RSPH3: variants seen among roughly 807,000 people sequenced by gnomAD.
RSPH3 encodes the protein radial spoke head 3, also known as radial spoke head protein 3 homolog.
RSPH3 carries 21 observed loss-of-function variants against 43.8 expected under a neutral mutation model. That is an observed-to-expected ratio of 0.48 (90% confidence interval 0.34 to 0.69). The LOEUF (loss-of-function observed/expected upper bound fraction) is 0.69, where lower values mean the gene tolerates loss of function less well. RSPH3 is among the 30% of genes least tolerant of loss of function. RSPH3 has a pLI of 0.01. For synonymous variants in RSPH3, 173 were observed against 179.8 expected, an observed-to-expected ratio of 0.96 and a Z score of 0.30; for missense variants, 487 against 516.0, an observed-to-expected ratio of 0.94 and a Z score of 0.54.
At chr6:158,970,416 T>C (rs762522573), downstream of RSPH3, among the ~76,000 whole-genome samples, 30 of 152,212 alleles carry the variant, frequency 2.0e-4, no homozygotes, top group Admixed American at 9.2e-4. Context: ...TAGCTTTCAA[T>C]TCCTGGTTGT....
chr6:158,997,369 T>G (rs1778628400), intron 1 of RSPH3, among the ~76,000 whole-genome samples: 1 of 151,458 alleles, frequency 6.6e-6, no homozygotes, highest in Admixed American at 6.6e-5. Context: ...CCTTCTGGGT[T>G]TAAGTGATCC....
intron 1 of RSPH3, among the ~76,000 whole-genome samples, chr6:158,994,425 GTTA>G (rs1778521903): frequency 1.3e-5 from 2 of 152,146 alleles, no homozygotes; most frequent in African/African-American, 4.8e-5. Context: ...ATTTTTTAAA[GTTA>G]TTGTTGAAAA....
downstream of RSPH3, among the ~76,000 whole-genome samples, chr6:158,972,360 T>C (rs1022104951): frequency 1.3e-5 from 2 of 152,290 alleles, no homozygotes; most frequent in Admixed American, 1.3e-4. Flanking sequence ...GTGAAGTATG[T>C]GACAACTAAA....
chr6:158,981,549 T>C (rs1220757536), intron 5 of RSPH3, among the ~76,000 whole-genome samples: 1 of 149,706 alleles, frequency 6.7e-6, no homozygotes, highest in Admixed American at 7.0e-5. Context: ...TGTTTCCAAA[T>C]AGTAAATAAA....
intron 2 of RSPH3, among the ~76,000 whole-genome samples, chr6:158,986,936 C>A (rs112186703): frequency 6.6e-6 from 1 of 152,194 alleles, no homozygotes; most frequent in Non-Finnish European, 1.5e-5. Context: ...GTGTACTCTG[C>A]AGAAGATGGA....
At chr6:158,979,087 G>C (rs1390987916) in intron 6 of RSPH3, among the ~76,000 whole-genome samples, 2 of 152,190 alleles carry the variant, frequency 1.3e-5, no homozygotes, top group Non-Finnish European at 2.9e-5. Context: ...TGAGGAGGCA[G>C]TCATCTAGAA....
chr6:158,995,501 C>T (rs530638756), intron 1 of RSPH3, among the ~76,000 whole-genome samples: 11 of 152,288 alleles, frequency 7.2e-5, no homozygotes. Context: ...TTGTGGTCGC[C>T]TTCCAGTCAG....
Position 158,989,596 on chromosome 6 carries a change from A to C in RSPH3, c.205-3175T>G, listed in dbSNP as rs1583718076. On this transcript the variant is annotated intron_variant, in intron 2 of 7. Coordinates refer to ENST00000367069, the MANE Select transcript of RSPH3 (RefSeq NM_031924.8). This position sits in a 1 kb window ranked among gnomAD's most constrained non-coding sequence, Gnocchi z 4.3. ...GGTGTTTCCTTTGGTTGAGTTATAC[A>C]GCAGAGTGTCCAGGGCTGGAGATGG... Among the ~76,000 whole-genome samples, 3 of 152,282 alleles carry C rather than the reference A, an allele frequency of 2.0e-5. No individual in the cohort carries two copies. In the South Asian group the frequency reaches 6.2e-4, roughly 32 times the overall value.
chr6:158,993,779 C>T lies in RSPH3; in HGVS notation c.204+60G>A, dbSNP rs77876414. On this transcript the variant is annotated intron_variant, in intron 2 of 7. Transcript: ENST00000367069. The stretch of plus-strand genomic sequence containing the variant: ...CGGATTAGAAATTAACACCAAGAAA[C>T]TGATCCTTCCCCATAGATAATGTGA... 0.11 allele frequency: 97,959 copies of T among 889,040 alleles called. 10,777 individuals carry two copies. The highest frequency in any genetic ancestry group is 0.46 in the East Asian group (17,191 of 37,698). 55.1% of individuals were successfully genotyped at this position (889,040 alleles called of 1,614,324 possible).
chr6:158,978,840 A>G (rs766305836), intron 6 of RSPH3, among the ~76,000 whole-genome samples: 3 of 152,176 alleles, frequency 2.0e-5, no homozygotes, highest in Non-Finnish European at 4.4e-5. Context: ...CACCTTGCCC[A>G]ATATTTTAAG....
chr6:158,989,605 T>C lies in RSPH3; in HGVS notation c.205-3184A>G, dbSNP rs1414046423. Among the ~76,000 whole-genome samples the C allele has an allele frequency of 6.6e-6, 1 of 152,128 alleles. No homozygotes were observed. Among genetic ancestry groups the C allele is most frequent in the African/African-American group, 2.4e-5 (1 of 41,414 alleles). Reference sequence around the variant, plus strand: ...TTTGGTTGAGTTATACAGCAGAGTGTCCAGGGCTGGAGATGGTAGTCTCAC... The same window carrying C: ...TTTGGTTGAGTTATACAGCAGAGTGCCCAGGGCTGGAGATGGTAGTCTCAC... On this transcript the variant is annotated intron_variant, in intron 2 of 7. Coordinates refer to ENST00000367069, the MANE Select transcript of RSPH3 (RefSeq NM_031924.8). This position sits in a 1 kb window ranked among gnomAD's most constrained non-coding sequence, Gnocchi z 4.3.
At chr6:158,997,270 A>AC (rs1251758071) in intron 1 of RSPH3, among the ~76,000 whole-genome samples, 1 of 83,230 alleles carries the variant, frequency 1.2e-5, no homozygotes, top group Non-Finnish European at 2.1e-5. Context: ...TCTCCTGAAC[A>AC]CTTTTTTTTT....
rs768994 is a variant in RSPH3, at chr6:158,978,316, A to G, written c.890T>C (p.Met297Thr). 0.11 allele frequency: 163,248 copies of G among 1,554,576 alleles called. 16,202 individuals are homozygous for G. The highest frequency in any genetic ancestry group is 0.46 in the East Asian group (20,187 of 44,288). Residue 297 changes from methionine (M) to threonine (T), a missense_variant, in exon 7 of 8, where the codon ATG (methionine) becomes ACG (threonine). Met to Thr is a moderately conservative substitution (Grantham distance 81). Transcript: ENST00000367069. Reference protein sequence around the residue: ...DIEIGFLPWLMNEVEKTMEYS... With the variant: ...DIEIGFLPWLTNEVEKTMEYS... ...TTCCATGGTTTTTTCAACTTCATTC[A>G]TTAGCCATGGAAGAAATCCTATCTC...
intron 5 of RSPH3, 122 bp downstream of exon 5, chr6:158,982,363 A>G: frequency 1.6e-6 from 1 of 630,318 alleles, no homozygotes; most frequent in Non-Finnish European, 2.6e-6. Flanking sequence ...AATACTATAG[A>G]TCTTTTTCTA....
Position 158,999,780 on chromosome 6 carries a change from T to C in RSPH3, c.-230A>G. On this transcript the variant is annotated 5_prime_UTR_variant, in exon 1 of 8. The change abolishes an upstream ATG in the 5' untranslated region. Transcript: ENST00000367069. ...ACAGAGACCAGCTGCGGGGGCCGCA[T>C]CGGTTGCCCAGCAACCCAGGGTTCT... 1 of 1,611,456 alleles carries C rather than the reference T, an allele frequency of 6.2e-7. No homozygotes were observed. The highest frequency in any genetic ancestry group is 1.1e-5 in the South Asian group (1 of 90,874).
At chr6:158,983,352 C>T (rs1009604241) in intron 4 of RSPH3, among the ~76,000 whole-genome samples, 2 of 151,966 alleles carry the variant, frequency 1.3e-5, no homozygotes, top group African/African-American at 4.8e-5. Context: ...TTATTTTTCC[C>T]TATTTAGTAC....
chr6:158,980,428 C>CAAAAAAAAA (rs201038721), intron 6 of RSPH3, among the ~76,000 whole-genome samples: 1 of 111,758 alleles, frequency 8.9e-6, no homozygotes, highest in Admixed American at 8.3e-5. Context: ...GACTCTGTCT[C>CAAAAAAAAA]AAAAAAAAAA....
chr6:158,994,167 T>TA (rs1778511939), intron 1 of RSPH3, among the ~76,000 whole-genome samples: 1 of 152,226 alleles, frequency 6.6e-6, no homozygotes, highest in Non-Finnish European at 1.5e-5. Context: ...TTGGGAATTA[T>TA]GATTCCTTTT....
intron 1 of RSPH3, 100 bp downstream of exon 1, chr6:158,999,335 G>T: frequency 9.1e-7 from 1 of 1,101,202 alleles, no homozygotes; most frequent in Non-Finnish European, 1.3e-6. Flanking sequence ...GCCAAGGGAA[G>T]ACAGCATAAG....
Sources: allele counts gnomAD v4.1 joint callset (sites outside exome capture counted in the v4.1 genomes callset), GRCh38; gene constraint gnomAD v4.1.1; non-coding constraint Gnocchi (gnomAD v3.1); transcripts MANE v1.5; gene names NCBI Gene and HGNC (gene_info 2026-07-23, HGNC 2026-07-21).